MGMT: variants seen among roughly 807,000 people sequenced by gnomAD.
The protein encoded by MGMT is methylated-DNA--protein-cysteine methyltransferase.
Under a neutral mutation model 15.9 loss-of-function variants are expected in MGMT, and 14 were observed. That is an observed-to-expected ratio of 0.88 (90% CI 0.58 to 1.37). MGMT has a LOEUF of 1.37. Ranked by LOEUF, MGMT falls within the 40% of genes most tolerant of loss-of-function variation. The pLI is 0.00. For missense variants in MGMT, 282 were observed against 268.1 expected, an observed-to-expected ratio of 1.05 and a Z score of -0.36; for synonymous variants, 130 against 118.2, an observed-to-expected ratio of 1.10 and a Z score of -0.65.
chr10:129,655,839 ATG>A (rs1291695521), intron 2 of MGMT, among the ~76,000 whole-genome samples: 1 of 152,196 alleles, frequency 6.6e-6, no homozygotes, highest in Admixed American at 6.5e-5. Context: ...CACACAGCGC[ATG>A]TGTTTCTGGA....
intron 2 of MGMT, among the ~76,000 whole-genome samples, chr10:129,578,862 G>T (rs1241127235): frequency 6.6e-6 from 1 of 152,150 alleles, no homozygotes; most frequent in Non-Finnish European, 1.5e-5. Flanking sequence ...AGTTTTAAAA[G>T]TCTCTTTGAG....
chr10:129,654,121 C>T (rs1469748710), intron 2 of MGMT, among the ~76,000 whole-genome samples: 1 of 152,170 alleles, frequency 6.6e-6, no homozygotes, highest in Middle Eastern at 3.2e-3. Flanking sequence ...GCCTCGCCGA[C>T]CCCCGCCTTG....
chr10:129,504,405 A>G (rs929165938), intron 1 of MGMT, among the ~76,000 whole-genome samples: 2 of 152,246 alleles, frequency 1.3e-5, no homozygotes, highest in African/African-American at 4.8e-5. Context: ...GTGTAGAGAA[A>G]AACTGTGCAG....
At chr10:129,498,035 C>T (rs1037102991) in intron 1 of MGMT, among the ~76,000 whole-genome samples, 1 of 152,222 alleles carries the variant, frequency 6.6e-6, no homozygotes, top group African/African-American at 2.4e-5. Flanking sequence ...GTTCCTCTTG[C>T]CTTGTTTTTT....
At chr10:129,575,148 A>C (rs1225743675) in intron 2 of MGMT, among the ~76,000 whole-genome samples, 1 of 152,174 alleles carries the variant, frequency 6.6e-6, no homozygotes, top group African/African-American at 2.4e-5. Flanking sequence ...TAACAAGGAT[A>C]CCCAGGAATT....
chr10:129,468,365 C>T (rs1016474767), intron 1 of MGMT, among the ~76,000 whole-genome samples: 7 of 152,080 alleles, frequency 4.6e-5, no homozygotes, highest in East Asian at 1.9e-4. Flanking sequence ...GTTAATATCA[C>T]GTTAACTCAG....
intron 2 of MGMT, among the ~76,000 whole-genome samples, chr10:129,624,033 C>T (rs373938453): frequency 2.6e-5 from 4 of 152,398 alleles, no homozygotes; most frequent in South Asian, 4.1e-4. Flanking sequence ...CAGCACCGTC[C>T]ACCTGTCTGA....
chr10:129,659,941 C>T lies in MGMT; in HGVS notation c.126-47954C>T, dbSNP rs1847576944. Among the ~76,000 whole-genome samples the T allele has an allele frequency of 3.9e-5, 6 of 152,172 alleles. No homozygotes were observed. The South Asian group carries it at 1.2e-3, about 32-fold the overall frequency. ...CAGCTCTCTATGGCATTAGTAGATG[C>T]TGGAAGATGAGGCCGTGTTTTCTCT... On this transcript the variant is annotated intron_variant, in intron 2 of 4. Coordinates refer to ENST00000651593, the MANE Select transcript of MGMT (RefSeq NM_002412.5). This position sits in a 1 kb window ranked among gnomAD's most constrained non-coding sequence, Gnocchi z 4.1.
intron 2 of MGMT, among the ~76,000 whole-genome samples, chr10:129,576,856 A>G (rs924708214): frequency 5.3e-5 from 8 of 152,230 alleles, no homozygotes; most frequent in East Asian, 1.9e-4. Context: ...TACAAAATCA[A>G]TGTGCAAAAA....
At chr10:129,605,711 C>A (rs1033652499) in intron 2 of MGMT, among the ~76,000 whole-genome samples, 1 of 152,136 alleles carries the variant, frequency 6.6e-6, no homozygotes, top group African/African-American at 2.4e-5. Context: ...AAATCCATCC[C>A]AAACAGCATT....
At chr10:129,722,305 ATTAAAGATTATTAT>A (rs1397091040) in intron 3 of MGMT, among the ~76,000 whole-genome samples, 2 of 152,218 alleles carry the variant, frequency 1.3e-5, no homozygotes, top group Non-Finnish European at 2.9e-5. Context: ...CATTAGCATT[ATTAAAGATTATTAT>A]TTAAAGATAT....
intron 2 of MGMT, among the ~76,000 whole-genome samples, chr10:129,645,899 C>G (rs1471179189): frequency 6.6e-6 from 1 of 152,216 alleles, no homozygotes; most frequent in East Asian, 1.9e-4. Flanking sequence ...GAAGTGTCCT[C>G]TGATGGCAGC....
At chr10:129,753,687 T>C (rs74336155) in intron 3 of MGMT, among the ~76,000 whole-genome samples, 1,572 of 152,312 alleles carry the variant, frequency 0.01, 24 homozygotes, top group African/African-American at 0.036. Context: ...ATTTGTGTTT[T>C]TTCATTTGTT....
chr10:129,572,843 G>A (rs1052764679), intron 2 of MGMT, among the ~76,000 whole-genome samples: 1 of 152,132 alleles, frequency 6.6e-6, no homozygotes, highest in Non-Finnish European at 1.5e-5. Flanking sequence ...GTACCCAAGT[G>A]ATGCTCTCAC....
intron 2 of MGMT, among the ~76,000 whole-genome samples, chr10:129,604,784 T>C (rs1846869438): frequency 7.2e-6 from 1 of 138,518 alleles, no homozygotes. Context: ...CCTTTTATCA[T>C]TTTCACAATG....
intron 2 of MGMT, among the ~76,000 whole-genome samples, chr10:129,615,318 G>C (rs1222835311): frequency 6.6e-6 from 1 of 152,168 alleles, no homozygotes; most frequent in Non-Finnish European, 1.5e-5. Context: ...CCCTGGTGAG[G>C]TGTGGGCTGC....
chr10:129,486,179 T>C (rs1004088851), intron 1 of MGMT, among the ~76,000 whole-genome samples: 34 of 4,876 alleles, frequency 7.0e-3, no homozygotes, highest in African/African-American at 0.024. Flanking sequence ...TCTCTTCTCT[T>C]TTTTTTTTTT....
Position 129,536,247 on chromosome 10 carries a change from G to C in MGMT, c.-6G>C. On this transcript the variant is annotated 5_prime_UTR_variant, in exon 2 of 5. Coordinates refer to ENST00000651593, the MANE Select transcript of MGMT (RefSeq NM_002412.5). ...AAAAATTATTTCTGTTTAGGTACTT[G>C]GAAAAATGGACAAGGATTGTGAAAT... 1 of 1,613,772 alleles carries C rather than the reference G, an allele frequency of 6.2e-7. No homozygotes were observed. Among genetic ancestry groups the C allele is most frequent in the Middle Eastern group, 1.7e-4 (1 of 6,060 alleles).
chr10:129,671,321 G>C (rs1389340147), intron 2 of MGMT, among the ~76,000 whole-genome samples: 1 of 152,080 alleles, frequency 6.6e-6, no homozygotes, highest in Non-Finnish European at 1.5e-5. Context: ...AGTCAGTCCT[G>C]GTAGGAATAT....
Sources: allele counts gnomAD v4.1 joint callset (sites outside exome capture counted in the v4.1 genomes callset), GRCh38; gene constraint gnomAD v4.1.1; non-coding constraint Gnocchi (gnomAD v3.1); transcripts MANE v1.5; gene names NCBI Gene and HGNC (gene_info 2026-07-23, HGNC 2026-07-21).